The following SEMA6D variants were observed in gnomAD, a reference collection of about 807,000 sequenced individuals.
SEMA6D encodes semaphorin-6D.
Under a neutral mutation model 106.6 loss-of-function variants are expected in SEMA6D, and 35 were observed. That is an observed-to-expected ratio of 0.33 (90% CI 0.25 to 0.44). The LOEUF is 0.44. Among genes scored for constraint, SEMA6D ranks in the 20% least tolerant of loss-of-function variants. The pLI is 1.00. For missense variants in SEMA6D, 1,185 were observed against 1,345.9 expected, an observed-to-expected ratio of 0.88 and a Z score of 1.87; for synonymous variants, 499 against 487.7, an observed-to-expected ratio of 1.02 and a Z score of -0.31.
intron 4 of SEMA6D, among the ~76,000 whole-genome samples, chr15:47,711,309 CAAAAA>C (rs10672105): frequency 6.1e-5 from 6 of 97,780 alleles, no homozygotes; most frequent in Non-Finnish European, 5.8e-5. Context: ...GACTCCGTCT[CAAAAA>C]AAAAAAAAAA....
intron 1 of SEMA6D, among the ~76,000 whole-genome samples, chr15:47,215,030 A>C (rs1253524898): frequency 1.3e-5 from 2 of 151,656 alleles, no homozygotes; most frequent in Non-Finnish European, 2.9e-5. Context: ...TGATCTGATG[A>C]CTGTTTTATA....
chr15:47,354,792 C>T (rs2038498557), intron 1 of SEMA6D, among the ~76,000 whole-genome samples: 1 of 151,958 alleles, frequency 6.6e-6, no homozygotes, highest in Non-Finnish European at 1.5e-5. Context: ...GCCTTGCAAT[C>T]CACACTGTCT....
rs900853426 is a variant in SEMA6D, at chr15:47,517,514, A to G, written c.-87+46969A>G. 2.6e-5 allele frequency among the ~76,000 whole-genome samples: 4 copies of G among 152,186 alleles called. No homozygotes were observed. The South Asian group carries it at 8.3e-4, about 32-fold the overall frequency. On this transcript the variant is annotated intron_variant, in intron 3 of 19. Transcript: ENST00000558014. ...CAAGCTTCCTTTTTCATTTTTAGAT[A>G]TATCTCAGGAAACAGACTGGGAACA...
At chr15:47,702,131 G>T (rs1273116914) in intron 4 of SEMA6D, among the ~76,000 whole-genome samples, 1 of 152,082 alleles carries the variant, frequency 6.6e-6, no homozygotes, top group Non-Finnish European at 1.5e-5. Context: ...GACACTGATG[G>T]TCATACTTGG....
intron 2 of SEMA6D, among the ~76,000 whole-genome samples, chr15:47,448,239 C>G (rs143954973): frequency 1.0e-3 from 154 of 152,212 alleles, no homozygotes; most frequent in African/African-American, 3.5e-3. Context: ...ACCACGACGC[C>G]TGGGCCGGGA....
At chr15:47,471,412 C>T in intron 3 of SEMA6D, among the ~76,000 whole-genome samples, 1 of 152,292 alleles carries the variant, frequency 6.6e-6, no homozygotes, top group South Asian at 2.1e-4. Context: ...TGTCATAAGT[C>T]ATACTTTCTT....
rs189204706 is a variant in SEMA6D at position 47,726,068 on chromosome 15, T to C, written c.-55+8376T>C. ...AGAACCTGTTTAGTTTAGTAATCGG[T>C]CTGGCTCCCACCCCGTTGCTTGTTG... On this transcript the variant is annotated intron_variant, in intron 1 of 18. Coordinates refer to ENST00000536845, the MANE Select transcript of SEMA6D (RefSeq NM_001358351.3). Among the ~76,000 whole-genome samples, 37 of 152,364 alleles carry C rather than the reference T, an allele frequency of 2.4e-4. No homozygotes were observed. In the East Asian group the frequency reaches 6.7e-3, roughly 28 times the overall value.
chr15:47,333,849 T>C (rs575155615), intron 1 of SEMA6D, among the ~76,000 whole-genome samples: 7 of 152,212 alleles, frequency 4.6e-5, no homozygotes, highest in African/African-American at 9.6e-5. Flanking sequence ...GTCCTTGTTA[T>C]AATGTTGTGG....
At chr15:47,760,499 TA>T in intron 3 of SEMA6D, 84 bp downstream of exon 3, 1 of 1,033,954 alleles carries the variant, frequency 9.7e-7, no homozygotes, top group Admixed American at 2.3e-5. Flanking sequence ...CATGAAAAAC[TA>T]ATATGTGATT....
At chr15:47,605,022 C>G (rs2076749547) in intron 4 of SEMA6D, among the ~76,000 whole-genome samples, 1 of 152,166 alleles carries the variant, frequency 6.6e-6, no homozygotes, top group South Asian at 2.1e-4. Context: ...TAATAGTTAT[C>G]TACTGCTGTG....
chr15:47,200,648 A>G (rs1939994316), intron 1 of SEMA6D, among the ~76,000 whole-genome samples: 1 of 152,172 alleles, frequency 6.6e-6, no homozygotes, highest in Non-Finnish European at 1.5e-5. Context: ...AAAAGTTTCT[A>G]TCTGGTATTA....
intron 1 of SEMA6D, among the ~76,000 whole-genome samples, chr15:47,313,775 G>A (rs1002780408): frequency 1.3e-5 from 2 of 152,156 alleles, no homozygotes; most frequent in African/African-American, 2.4e-5. Context: ...TGTTGTGCAG[G>A]CTGCTCTCAA....
intron 4 of SEMA6D, among the ~76,000 whole-genome samples, chr15:47,686,877 G>A (rs73392883): frequency 0.029 from 4,336 of 151,998 alleles, 228 homozygotes; most frequent in African/African-American, 0.1. Context: ...ACCAGTCTGG[G>A]CAACATAGCA....
intron 1 of SEMA6D, among the ~76,000 whole-genome samples, chr15:47,388,586 A>G (rs1236658541): frequency 1.3e-5 from 2 of 152,110 alleles, no homozygotes; most frequent in African/African-American, 2.4e-5. Flanking sequence ...AAAACGTAGT[A>G]TACTTAGTAT....
At chr15:47,752,250 C>T (rs1443057913) in intron 1 of SEMA6D, among the ~76,000 whole-genome samples, 1 of 152,126 alleles carries the variant, frequency 6.6e-6, no homozygotes, top group Non-Finnish European at 1.5e-5. Context: ...GGTGGGTAAA[C>T]CGTCAGAAGA....
At chr15:47,768,537 T>C (rs781701030) in intron 17 of SEMA6D, 44 bp from the exon 18 acceptor site, 5 of 1,444,478 alleles carry the variant, frequency 3.5e-6, no homozygotes, top group Non-Finnish European at 4.6e-6. Flanking sequence ...TCAAAAAAAA[T>C]CTTGACACTA....
chr15:47,560,389 AAG>A (rs1339798243), intron 3 of SEMA6D, among the ~76,000 whole-genome samples: 1 of 152,072 alleles, frequency 6.6e-6, no homozygotes, highest in African/African-American at 2.4e-5. Flanking sequence ...TAAAAAACAA[AAG>A]AGAATTCTAG....
chr15:47,750,942 C>T (rs2081395951), intron 1 of SEMA6D, among the ~76,000 whole-genome samples: 2 of 152,210 alleles, frequency 1.3e-5, no homozygotes, highest in African/African-American at 2.4e-5. Flanking sequence ...GAAAACACCA[C>T]ATCAGCCAAG....
chr15:47,568,809 C>T (rs1032859545), intron 3 of SEMA6D, among the ~76,000 whole-genome samples: 1 of 152,104 alleles, frequency 6.6e-6, no homozygotes, highest in Non-Finnish European at 1.5e-5. Context: ...TTTTAGGTTA[C>T]TGCAGATACT....
Sources: gnomAD v4.1 joint callset for allele counts (sites outside exome capture counted in the v4.1 genomes callset) on GRCh38, gnomAD v4.1.1 for gene constraint, MANE v1.5 for transcripts, NCBI Gene and HGNC (gene_info 2026-07-23, HGNC 2026-07-21) for gene names.